The following GALNTL6 variants were observed in gnomAD, a reference collection of about 807,000 sequenced individuals.
The protein encoded by GALNTL6 is polypeptide N-acetylgalactosaminyltransferase-like 6.
Under a neutral mutation model 73.7 loss-of-function variants are expected in GALNTL6, and 46 were observed. The ratio of observed to expected loss-of-function variants is 0.62; its 90% CI spans 0.49 to 0.80. The LOEUF (loss-of-function observed/expected upper bound fraction) is 0.80. Ranked by LOEUF, GALNTL6 falls within the 30% of genes least tolerant of loss-of-function variation. The probability of loss-of-function intolerance (pLI) is 0.00; values close to 1 mark genes in which losing one functional copy is unlikely to be tolerated. For synonymous variants in GALNTL6, 259 were observed against 263.7 expected, an observed-to-expected ratio of 0.98 and a Z score of 0.17; for missense variants, 604 against 755.0, an observed-to-expected ratio of 0.80 and a Z score of 2.34.
At chr4:172,668,168 G>A (rs1413093509) in intron 5 of GALNTL6, 1 of 152,122 alleles carries the variant, frequency 6.6e-6, no homozygotes, top group Non-Finnish European at 1.5e-5. Context: ...GAGTATTATT[G>A]CCATTGATGA....
intron 5 of GALNTL6, among the ~76,000 whole-genome samples, chr4:172,619,485 T>G (rs1050246873): frequency 2.6e-5 from 4 of 152,220 alleles, no homozygotes; most frequent in Non-Finnish European, 5.9e-5. Context: ...TCCCTCTCTC[T>G]TAGTCACTTT....
intron 10 of GALNTL6, among the ~76,000 whole-genome samples, chr4:173,004,672 TC>T (rs1752197008): frequency 6.6e-6 from 1 of 152,072 alleles, no homozygotes; most frequent in South Asian, 2.1e-4. Flanking sequence ...TCAACTATAG[TC>T]CATAAAAGGG....
rs556812867 is a variant in GALNTL6 at position 172,705,056 on chromosome 4, T to G, written c.554-104305T>G. The stretch of plus-strand genomic sequence containing the variant: ...ATAAAATATATTCTTCTATTTTTTC[T>G]ATTTAAATCATGTGTCTTTATAGAT... On this transcript the variant is annotated intron_variant, in intron 5 of 12. Coordinates refer to ENST00000506823, the MANE Select transcript of GALNTL6 (RefSeq NM_001034845.3). 7.2e-5 allele frequency among the ~76,000 whole-genome samples: 11 copies of G among 152,046 alleles called. No homozygotes were observed. In the East Asian group the frequency reaches 2.1e-3, roughly 29 times the overall value.
At chr4:172,836,746 C>A (rs547873550) in intron 7 of GALNTL6, among the ~76,000 whole-genome samples, 1 of 152,162 alleles carries the variant, frequency 6.6e-6, no homozygotes, top group Non-Finnish European at 1.5e-5. Context: ...CCTTGAAAAC[C>A]TTTTGCCAGG....
At chr4:172,808,270 C>T (rs2110982404) in intron 5 of GALNTL6, among the ~76,000 whole-genome samples, 1 of 152,318 alleles carries the variant, frequency 6.6e-6, no homozygotes, top group Non-Finnish European at 1.5e-5. Context: ...AACCTCTGTG[C>T]ACGGAGAAAC....
At chr4:172,612,485 A>C (rs988509596) in intron 5 of GALNTL6, among the ~76,000 whole-genome samples, 1 of 152,086 alleles carries the variant, frequency 6.6e-6, no homozygotes, top group Non-Finnish European at 1.5e-5. Context: ...GCAGAGCAAA[A>C]GTTCTCCAGA....
intron 5 of GALNTL6, among the ~76,000 whole-genome samples, chr4:172,543,111 G>C (rs1257047538): frequency 6.6e-6 from 1 of 151,826 alleles, no homozygotes; most frequent in Non-Finnish European, 1.5e-5. Context: ...AAAAGGAACA[G>C]CTGTGCTATA....
At chr4:172,300,127 G>T (rs1423733749) in intron 3 of GALNTL6, among the ~76,000 whole-genome samples, 2 of 152,046 alleles carry the variant, frequency 1.3e-5, no homozygotes, top group Non-Finnish European at 2.9e-5. Context: ...TTATGTAATG[G>T]CCTTCTTTGT....
intron 2 of GALNTL6, among the ~76,000 whole-genome samples, chr4:172,223,038 T>G (rs896636590): frequency 6.6e-6 from 1 of 152,022 alleles, no homozygotes; most frequent in African/African-American, 2.4e-5. Context: ...CAGATTCTAT[T>G]GAAAAATTTT....
chr4:172,285,164 A>G (rs9991827), intron 3 of GALNTL6, among the ~76,000 whole-genome samples: 64,402 of 151,916 alleles, frequency 0.42, 13,623 homozygotes, highest in Admixed American at 0.45. Context: ...TGATTAGAGA[A>G]CTATTACCTT....
rs144781527 is a variant in GALNTL6 at position 172,872,389 on chromosome 4, G to A, written c.924-10401G>A. 2.9e-3 allele frequency among the ~76,000 whole-genome samples: 438 copies of A among 152,292 alleles called. 3 individuals carry two copies. The highest frequency in any genetic ancestry group is 1.0e-2 in the African/African-American group (415 of 41,556). On this transcript the variant is annotated intron_variant, in intron 7 of 12. Coordinates refer to ENST00000506823, the MANE Select transcript of GALNTL6 (RefSeq NM_001034845.3). ...TCCCCTCAATTAGGACAAATTAGTA[G>A]AAGTTTATTCTAATTACCTTCTGTT...
At chr4:172,967,163 C>A (rs1053199748) in intron 10 of GALNTL6, among the ~76,000 whole-genome samples, 2 of 152,176 alleles carry the variant, frequency 1.3e-5, no homozygotes, top group Non-Finnish European at 2.9e-5. Flanking sequence ...TTCCAAAGTT[C>A]TCTGTTTGTG....
At position 171,830,928 on chromosome 4, in the gene GALNTL6, G is replaced by A. The variant is rs376727649; in HGVS notation, c.138+16210G>A. ...GTGTTTACATTTAAATAACTACCAC[G>A]GCAATTTAGGAAAAGCTTATTTTTA... On this transcript the variant is annotated intron_variant, in intron 2 of 12. Transcript: ENST00000506823. Among the ~76,000 whole-genome samples, 13 of 151,972 alleles carry A rather than the reference G, an allele frequency of 8.6e-5. No homozygotes were observed. In the East Asian group the frequency reaches 1.5e-3, roughly 18 times the overall value.
intron 5 of GALNTL6, among the ~76,000 whole-genome samples, chr4:172,761,914 T>C (rs1579448049): frequency 6.6e-6 from 1 of 152,208 alleles, no homozygotes; most frequent in African/African-American, 2.4e-5. Context: ...ACTGTTCCCA[T>C]TTCTCAGAAA....
intron 2 of GALNTL6, among the ~76,000 whole-genome samples, chr4:171,972,947 G>A (rs1408706624): frequency 6.6e-6 from 1 of 152,168 alleles, no homozygotes; most frequent in Non-Finnish European, 1.5e-5. Context: ...AAAAGGAATT[G>A]TGTCAGAATA....
rs189819199 is a variant in GALNTL6, at chr4:172,634,188, T to C, written c.554-175173T>C. Among the ~76,000 whole-genome samples, 140 of 152,308 alleles carry C rather than the reference T, an allele frequency of 9.2e-4. 1 individual carries two copies. The highest frequency in any genetic ancestry group is 3.1e-3 in the African/African-American group (127 of 41,566). On this transcript the variant is annotated intron_variant, in intron 5 of 12. Transcript: ENST00000506823. ...TATTTAGGACATCACTTATGAGGTA[T>C]AAATTATTCATGTTATGCTTCTCAT...
rs1230816930 is a variant in GALNTL6, at chr4:172,552,843, A to AAAAAAC, written c.553+204159_553+204160insCAAAAA. ...GGTGCAAAAGTAATTGCAGTAAAAA[A>AAAAAAC]AAAAAAAAAAAAAAGGTAAAAACCG... On this transcript the variant is annotated intron_variant, in intron 5 of 12. Transcript: ENST00000506823. Among the ~76,000 whole-genome samples, 20 of 149,644 alleles carry AAAAAAC rather than the reference A, an allele frequency of 1.3e-4. 1 individual carries two copies. The East Asian group carries it at 3.3e-3, about 25-fold the overall frequency.
At chr4:172,203,925 T>G (rs1434614924) in intron 2 of GALNTL6, among the ~76,000 whole-genome samples, 1 of 152,108 alleles carries the variant, frequency 6.6e-6, no homozygotes, top group Non-Finnish European at 1.5e-5. Context: ...TTTGTATTTT[T>G]AGTAGAGACG....
intron 5 of GALNTL6, among the ~76,000 whole-genome samples, chr4:172,355,558 GCTTT>G (rs1742120066): frequency 6.6e-6 from 1 of 152,030 alleles, no homozygotes; most frequent in African/African-American, 2.4e-5. Flanking sequence ...TCTTATGCTT[GCTTT>G]CTTTTCTTTT....
Sources: gnomAD v4.1 joint callset for allele counts (sites outside exome capture counted in the v4.1 genomes callset) on GRCh38, gnomAD v4.1.1 for gene constraint, MANE v1.5 for transcripts, NCBI Gene and HGNC (gene_info 2026-07-23, HGNC 2026-07-21) for gene names.